PCNX2: variants seen among roughly 807,000 people sequenced by gnomAD.
PCNX2 encodes the protein pecanex 2.
A neutral mutation model predicts 223.8 loss-of-function variants in PCNX2; 168 were observed. The ratio of observed to expected loss-of-function variants is 0.75; its 90% CI spans 0.66 to 0.85. The LOEUF (loss-of-function observed/expected upper bound fraction) is 0.85, where lower values mean the gene tolerates loss of function less well. Ranked by LOEUF, PCNX2 falls within the 40% of genes least tolerant of loss-of-function variation. The pLI is 0.00. For synonymous variants in PCNX2, 1,006 were observed against 1,052.6 expected (o/e 0.96, Z 0.86); for missense variants, 2,507 against 2,675.5 (o/e 0.94, Z 1.39).
the PCNX2 span, among the ~76,000 whole-genome samples, chr1:233,326,833 T>C: frequency 2.6e-5 from 4 of 152,204 alleles, no homozygotes; most frequent in Non-Finnish European, 4.4e-5. Flanking sequence ...TACCAACGTC[T>C]GGCACCCAGC....
At chr1:233,289,369 G>C in intron 1 of PCNX2, 1 of 1,224,418 alleles carries the variant, frequency 8.2e-7, no homozygotes, top group Non-Finnish European at 1.2e-6. Context: ...AGCTCCAGAA[G>C]AGCCTGGGAG....
rs148727735 is a variant in PCNX2 at position 233,017,790 on chromosome 1, C to T, written c.4606-636G>A. 5.8e-3 allele frequency among the ~76,000 whole-genome samples: 881 copies of T among 152,268 alleles called. 5 individuals carry two copies. The highest frequency in any genetic ancestry group is 0.018 in the South Asian group (85 of 4,828). ...TTAGGGAAGAGGAAAGTGAGAAGAACGTAATGCTAACAGAATGTAATGGAA... is the reference window on the plus strand; with the variant it reads ...TTAGGGAAGAGGAAAGTGAGAAGAATGTAATGCTAACAGAATGTAATGGAA... On this transcript the variant is annotated intron_variant, in intron 26 of 33. Coordinates refer to ENST00000258229, the MANE Select transcript of PCNX2 (RefSeq NM_014801.4).
At chr1:233,212,157 C>G (rs1681858698) in intron 12 of PCNX2, among the ~76,000 whole-genome samples, 1 of 152,156 alleles carries the variant, frequency 6.6e-6, no homozygotes, top group Non-Finnish European at 1.5e-5. Context: ...GTTCATAATG[C>G]TCTTTGGTTC....
At chr1:233,213,677 T>G (rs1364836097) in intron 12 of PCNX2, among the ~76,000 whole-genome samples, 1 of 152,186 alleles carries the variant, frequency 6.6e-6, no homozygotes. Context: ...CATAACAAGC[T>G]GTAGCCCTCT....
intron 17 of PCNX2, among the ~76,000 whole-genome samples, chr1:233,175,169 G>C (rs1679410688): frequency 6.6e-6 from 1 of 152,018 alleles, no homozygotes; most frequent in Non-Finnish European, 1.5e-5. Context: ...ATGGGAGGGG[G>C]GTTTATGCTT....
intron 21 of PCNX2, among the ~76,000 whole-genome samples, chr1:233,123,817 T>C (rs368143499): frequency 1.3e-5 from 2 of 152,124 alleles, no homozygotes; most frequent in East Asian, 3.9e-4. Context: ...AAAACAGAAA[T>C]GGAAACTGAA....
At chr1:233,093,553 A>G (rs1207963965) in intron 22 of PCNX2, among the ~76,000 whole-genome samples, 2 of 152,184 alleles carry the variant, frequency 1.3e-5, no homozygotes, top group Non-Finnish European at 2.9e-5. Context: ...ATGTATATCT[A>G]GTTTTTCAAC....
Position 233,076,543 on chromosome 1 carries a change from T to C in PCNX2, c.4076+13518A>G, listed in dbSNP as rs182323145. Among the ~76,000 whole-genome samples, 211 of 152,334 alleles carry C rather than the reference T, an allele frequency of 1.4e-3. 1 individual carries two copies. The highest frequency in any genetic ancestry group is 6.2e-4 in the South Asian group (3 of 4,828). ...GGTGCAGTTTTCTAGTTGAGGGATT[T>C]GGCGTTAATAAAATCACACAGCAAC... On this transcript the variant is annotated intron_variant, in intron 23 of 33. Transcript: ENST00000258229.
chr1:233,144,502 G>T (rs1677310632), intron 19 of PCNX2, among the ~76,000 whole-genome samples: 2 of 152,188 alleles, frequency 1.3e-5, no homozygotes, highest in African/African-American at 4.8e-5. Flanking sequence ...TCTCGCAGAT[G>T]GTACCAGAGA....
chr1:233,022,544 G>A (rs1670928172), intron 26 of PCNX2, among the ~76,000 whole-genome samples: 2 of 152,028 alleles, frequency 1.3e-5, no homozygotes, highest in Non-Finnish European at 2.9e-5. Flanking sequence ...CAGTGTGCAA[G>A]CATGTGGGGC....
intron 25 of PCNX2, among the ~76,000 whole-genome samples, chr1:233,042,548 A>C (rs1257722754): frequency 6.6e-6 from 1 of 152,184 alleles, no homozygotes; most frequent in Non-Finnish European, 1.5e-5. Flanking sequence ...AATTATATCC[A>C]ATCTCCTCCC....
At chr1:233,203,031 T>C (rs1433845845) in intron 13 of PCNX2, among the ~76,000 whole-genome samples, 23 of 152,194 alleles carry the variant, frequency 1.5e-4, no homozygotes, top group Non-Finnish European at 7.3e-5. Flanking sequence ...CTGGAACTAG[T>C]TATTATGGCT....
rs1676513277 is a variant in PCNX2, at chr1:233,131,678, T to G, written c.3837+3335A>C. Among the ~76,000 whole-genome samples, 5 of 152,138 alleles carry G rather than the reference T, an allele frequency of 3.3e-5. No individual in the cohort carries two copies. The South Asian group carries it at 1.0e-3, about 32-fold the overall frequency. ...AGGCAAGATGGGCCAGGATTCAGAATCCCCAACTTTCCGACTTGCTGCCTA... is the reference window on the plus strand; with the variant it reads ...AGGCAAGATGGGCCAGGATTCAGAAGCCCCAACTTTCCGACTTGCTGCCTA... On this transcript the variant is annotated intron_variant, in intron 21 of 33. Coordinates refer to ENST00000258229, the MANE Select transcript of PCNX2 (RefSeq NM_014801.4).
At chr1:233,275,249 G>A (rs1353459503) in intron 1 of PCNX2, among the ~76,000 whole-genome samples, 1 of 152,150 alleles carries the variant, frequency 6.6e-6, no homozygotes, top group Non-Finnish European at 1.5e-5. Flanking sequence ...TGTCACCCAG[G>A]CTGGAGTGCG....
At chr1:233,223,622 C>T (rs1018267835) in intron 10 of PCNX2, among the ~76,000 whole-genome samples, 5 of 152,038 alleles carry the variant, frequency 3.3e-5, no homozygotes, top group African/African-American at 1.2e-4. Flanking sequence ...TGTCCCCCAC[C>T]CCCTGACAGG....
chr1:233,282,242 G>A (rs534657698), intron 1 of PCNX2, among the ~76,000 whole-genome samples: 1 of 152,012 alleles, frequency 6.6e-6, no homozygotes, highest in Admixed American at 6.5e-5. Flanking sequence ...TGAGTGTAGC[G>A]CTCCTGGGGC....
chr1:233,202,459 AT>A (rs540572356), intron 13 of PCNX2, among the ~76,000 whole-genome samples: 2 of 152,198 alleles, frequency 1.3e-5, no homozygotes, highest in Non-Finnish European at 2.9e-5. Flanking sequence ...AAATTACCAT[AT>A]TTGCAGGTTT....
intron 21 of PCNX2, among the ~76,000 whole-genome samples, chr1:233,128,738 C>T (rs1676249580): frequency 6.6e-6 from 1 of 152,192 alleles, no homozygotes; most frequent in South Asian, 2.1e-4. Context: ...ACCAAATATC[C>T]TCATCTGCAT....
In PCNX2 at chr1:232,984,108, ATTTTTTT is replaced by A. The variant is rs373209360; in HGVS notation, c.*189_*195del. 3.6e-3 allele frequency: 490 copies of A among 135,164 alleles called. 4 individuals are homozygous for A. The highest frequency in any genetic ancestry group is 0.022 in the African/African-American group (338 of 15,468). The allele number at this position is 135,164 out of a possible 1,614,324, so 8.4% of individuals were successfully genotyped here. On this transcript the variant is annotated 3_prime_UTR_variant, in exon 34 of 34. Transcript: ENST00000258229. ...GAGGTTTTTTTGTTGTTGTTGTTTG[ATTTTTTT>A]TTTTTTTTTTTTTTTTTTTTCAAAA...
Sources: gnomAD v4.1 joint callset for allele counts (sites outside exome capture counted in the v4.1 genomes callset) on GRCh38, gnomAD v4.1.1 for gene constraint, MANE v1.5 for transcripts, NCBI Gene and HGNC (gene_info 2026-07-23, HGNC 2026-07-21) for gene names.